The following SYCP1 variants were observed in gnomAD, a reference collection of about 807,000 sequenced individuals.
SYCP1 encodes cancer/testis antigen 8.
In SYCP1, 64 loss-of-function variants were observed where a neutral mutation model predicts 153.1. That is an observed-to-expected ratio of 0.42 (90% CI 0.34 to 0.51). SYCP1 has a LOEUF of 0.51. Among genes scored for constraint, SYCP1 ranks in the 20% least tolerant of loss-of-function variants. SYCP1 has a pLI of 0.06. For synonymous variants in SYCP1, 384 were observed against 341.8 expected, an observed-to-expected ratio of 1.12 and a Z score of -1.36; for missense variants, 997 against 1,049.0, an observed-to-expected ratio of 0.95 and a Z score of 0.68.
chr1:114,960,430 A>G (rs1044553234), intron 27 of SYCP1, among the ~76,000 whole-genome samples: 3 of 152,022 alleles, frequency 2.0e-5, no homozygotes, highest in African/African-American at 7.2e-5. Flanking sequence ...GGCCTCCCTA[A>G]GTGCTGGGAT....
chr1:114,982,382 A>G (rs1227393176), intron 29 of SYCP1, among the ~76,000 whole-genome samples: 1 of 151,860 alleles, frequency 6.6e-6, no homozygotes, highest in Admixed American at 6.6e-5. Flanking sequence ...TGGTGTCTGC[A>G]AGGTGTCTGC....
intron 27 of SYCP1, among the ~76,000 whole-genome samples, chr1:114,949,571 G>A (rs1042748660): frequency 7.9e-5 from 12 of 152,176 alleles, no homozygotes; most frequent in African/African-American, 2.7e-4. Flanking sequence ...AGGAAGGTAG[G>A]GGAGAGAATA....
At chr1:114,879,903 A>G (rs1193680985) in intron 12 of SYCP1, among the ~76,000 whole-genome samples, 2 of 152,144 alleles carry the variant, frequency 1.3e-5, no homozygotes, top group Non-Finnish European at 2.9e-5. Flanking sequence ...TTAACTTTAA[A>G]TGAATCATGT....
chr1:114,913,150 T>C lies in SYCP1; in HGVS notation c.1647T>C (p.Asn549=), dbSNP rs1270272790. ...LELKNQQEDI[N]NNKKQEERML... ...TCAAGAATCAGCAAGAAGATATTAATGTGAGTTGAAAAAGAAAGTGCTGGT... is the reference window on the plus strand; with the variant it reads ...TCAAGAATCAGCAAGAAGATATTAACGTGAGTTGAAAAAGAAAGTGCTGGT... Residue 549 remains asparagine, a splice_region_variant and synonymous_variant, in exon 19 of 32, where the codon AAT becomes AAC. Transcript: ENST00000369522. 1 of 1,607,594 alleles carries C rather than the reference T, an allele frequency of 6.2e-7. No individual in the cohort carries two copies. The highest frequency in any genetic ancestry group is 2.2e-5 in the East Asian group (1 of 44,694).
At chr1:114,890,354 A>C (rs1351207200) in intron 15 of SYCP1, among the ~76,000 whole-genome samples, 2 of 151,384 alleles carry the variant, frequency 1.3e-5, no homozygotes, top group African/African-American at 2.4e-5. Context: ...ACTGTAATAC[A>C]TATTTATATT....
At chr1:114,967,082 T>C (rs1672176537) in intron 27 of SYCP1, among the ~76,000 whole-genome samples, 1 of 152,166 alleles carries the variant, frequency 6.6e-6, no homozygotes, top group Admixed American at 6.5e-5. Flanking sequence ...GCTGAGGGTG[T>C]TTTATTTCCA....
rs180720330 is a variant in SYCP1 at position 114,969,826 on chromosome 1, A to G, written c.2323-7731A>G. On this transcript the variant is annotated intron_variant, in intron 27 of 31. Coordinates refer to ENST00000369522, the MANE Select transcript of SYCP1 (RefSeq NM_003176.4). ...TGTGGGTTGCAGAAACCATAAGAAA[A>G]ACATAGTATCTGGGCCAGGTAGCAC... Among the ~76,000 whole-genome samples the G allele has an allele frequency of 9.9e-5, 15 of 152,240 alleles. No individual in the cohort carries two copies. In the East Asian group the frequency reaches 2.9e-3, roughly 29 times the overall value.
intron 4 of SYCP1, 80 bp from the exon 5 acceptor site, chr1:114,857,364 A>G: frequency 1.3e-6 from 2 of 1,525,588 alleles, no homozygotes; most frequent in South Asian, 1.2e-5. Context: ...TTATTGCATT[A>G]CTAGTCTTCT....
chr1:114,978,267 C>T (rs1156573142), intron 28 of SYCP1, among the ~76,000 whole-genome samples: 1 of 151,586 alleles, frequency 6.6e-6, no homozygotes, highest in East Asian at 1.9e-4. Flanking sequence ...TGATCATCTG[C>T]TCTTGTAAAA....
At chr1:114,856,921 CAAAAAAAAAA>C (rs758650224) in intron 3 of SYCP1, among the ~76,000 whole-genome samples, 3 of 37,294 alleles carry the variant, frequency 8.0e-5, no homozygotes, top group South Asian at 1.6e-3. Context: ...CCTGTCTGTA[CAAAAAAAAAA>C]AAAAAAAAAA....
intron 27 of SYCP1, among the ~76,000 whole-genome samples, chr1:114,964,312 A>C (rs1363700073): frequency 6.6e-6 from 1 of 152,108 alleles, no homozygotes; most frequent in Non-Finnish European, 1.5e-5. Context: ...ATTTTCTCCC[A>C]TTCTGTAGGT....
intron 23 of SYCP1, among the ~76,000 whole-genome samples, chr1:114,941,206 A>T (rs1418060895): frequency 1.3e-5 from 2 of 152,162 alleles, no homozygotes; most frequent in Non-Finnish European, 2.9e-5. Flanking sequence ...TTGGTTGAAA[A>T]AAAATCCACA....
intron 29 of SYCP1, among the ~76,000 whole-genome samples, chr1:114,984,077 T>A (rs1363625911): frequency 6.6e-6 from 1 of 151,950 alleles, no homozygotes; most frequent in African/African-American, 2.4e-5. Context: ...GTTTTTTTAA[T>A]TAAAAAAAAT....
chr1:114,944,428 G>T lies in SYCP1; in HGVS notation c.2016G>T (p.Lys672Asn), dbSNP rs762123771. 1 of 1,599,944 alleles carries T rather than the reference G, an allele frequency of 6.3e-7. No homozygotes were observed. The highest frequency in any genetic ancestry group is 8.5e-7 in the Non-Finnish European group (1 of 1,173,670). ...ATCAGAAAGAAATTGAGGACAAAAAGATATCAGAAGAAAATCTTTTGGAAG... is the reference window on the plus strand; with the variant it reads ...ATCAGAAAGAAATTGAGGACAAAAATATATCAGAAGAAAATCTTTTGGAAG... The part of the protein sequence containing the change: ...DTYQKEIEDK[K>N]ISEENLLEEV... The change falls in exon 24 of 32, where the codon AAG becomes AAT. Residue 672 changes from lysine (K) to asparagine (N), a missense_variant. Physicochemically the swap from Lys to Asn is moderately conservative, Grantham distance 94. Transcript: ENST00000369522.
chr1:114,871,162 CT>C (rs145313333), intron 8 of SYCP1, among the ~76,000 whole-genome samples: 1,925 of 147,188 alleles, frequency 0.013, 50 homozygotes, highest in African/African-American at 0.046. Flanking sequence ...TTCCTCCCAT[CT>C]TTTTTTTTTC....
intron 23 of SYCP1, among the ~76,000 whole-genome samples, chr1:114,928,414 TC>T (rs1669397354): frequency 6.6e-6 from 1 of 151,970 alleles, no homozygotes; most frequent in Non-Finnish European, 1.5e-5. Context: ...AAATAAACCA[TC>T]AACCCAGAAT....
At chr1:114,940,156 G>A (rs939540876) in intron 23 of SYCP1, among the ~76,000 whole-genome samples, 7 of 152,090 alleles carry the variant, frequency 4.6e-5, no homozygotes, top group Non-Finnish European at 1.0e-4. Context: ...GAGTGCAGTG[G>A]CTGTGATCTC....
At chr1:114,957,568 A>G (rs1671521417) in intron 27 of SYCP1, among the ~76,000 whole-genome samples, 1 of 152,222 alleles carries the variant, frequency 6.6e-6, no homozygotes, top group African/African-American at 2.4e-5. Context: ...TAACCAGAAT[A>G]TATAAGAAAC....
At chr1:114,981,568 T>C in intron 29 of SYCP1, 56 bp downstream of exon 29, 1 of 1,453,062 alleles carries the variant, frequency 6.9e-7, no homozygotes, top group East Asian at 2.4e-5. Context: ...TAAATAAAGT[T>C]CTGTTATCAC....
Sources: gnomAD v4.1 joint callset for allele counts (sites outside exome capture counted in the v4.1 genomes callset) on GRCh38, gnomAD v4.1.1 for gene constraint, MANE v1.5 for transcripts, NCBI Gene and HGNC (gene_info 2026-07-23, HGNC 2026-07-21) for gene names.